The following EEA1 variants were observed in gnomAD, a reference collection of about 807,000 sequenced individuals.
EEA1 encodes early endosome antigen 1, also known as early endosome antigen 1, 162kD.
A neutral mutation model predicts 209.2 loss-of-function variants in EEA1; 111 were observed. The observed-to-expected ratio is 0.53, with a 90% CI of 0.45 to 0.62. EEA1 has a LOEUF of 0.62. EEA1 is among the 20% of genes least tolerant of loss of function. The pLI is 0.00. For synonymous variants in EEA1, 536 were observed against 540.6 expected (o/e 0.99, Z 0.12); for missense variants, 1,343 against 1,530.8 (o/e 0.88, Z 2.05).
intron 1 of EEA1, among the ~76,000 whole-genome samples, chr12:92,922,187 A>T (rs1350590383): frequency 6.6e-6 from 1 of 152,054 alleles, no homozygotes; most frequent in African/African-American, 2.4e-5. Context: ...CTGCCTACTG[A>T]ACATCTCCAC....
At chr12:92,798,335 C>CATT (rs921938286) in intron 21 of EEA1, among the ~76,000 whole-genome samples, 7 of 145,354 alleles carry the variant, frequency 4.8e-5, no homozygotes, top group Admixed American at 6.8e-5. Flanking sequence ...TTAAGTGTTA[C>CATT]ATTATTATTA....
intron 1 of EEA1, among the ~76,000 whole-genome samples, chr12:92,915,187 C>T (rs1010478994): frequency 2.6e-5 from 4 of 152,160 alleles, no homozygotes; most frequent in African/African-American, 9.7e-5. Flanking sequence ...TAAAAGCTGT[C>T]CAGGCACAGT....
intron 21 of EEA1, among the ~76,000 whole-genome samples, chr12:92,792,977 C>T (rs1342268806): frequency 6.6e-6 from 1 of 152,188 alleles, no homozygotes; most frequent in Admixed American, 6.5e-5. Context: ...GCTGGTTCAA[C>T]ATATGCAAAT....
chr12:92,776,072 G>A lies in EEA1; in HGVS notation c.4175C>T (p.Thr1392Ile). The change falls in exon 29 of 29, where the codon ACT (threonine) becomes ATT (isoleucine). Residue 1392 changes from threonine (T) to isoleucine (I), a missense_variant. Physicochemically the swap from Thr to Ile is moderately conservative, Grantham distance 89. Coordinates refer to ENST00000322349, the MANE Select transcript of EEA1 (RefSeq NM_003566.4). ...CAECSAKNAL[T>I]PSSKKPVRVC... ...ACGAACAGGCTTCTTGGAGGAAGGAGTTAAGGCATTTTTGGCTGAACATTC... is the reference window on the plus strand; with the variant it reads ...ACGAACAGGCTTCTTGGAGGAAGGAATTAAGGCATTTTTGGCTGAACATTC... 6.2e-7 allele frequency: 1 copy of A among 1,611,582 alleles called. No homozygotes were observed.
At chr12:92,906,799 G>A (rs574346123) in intron 1 of EEA1, among the ~76,000 whole-genome samples, 8 of 152,066 alleles carry the variant, frequency 5.3e-5, no homozygotes, top group Non-Finnish European at 8.8e-5. Context: ...GGGTGACAGA[G>A]CTAGACTCTG....
chr12:92,866,133 A>C (rs1878382811), intron 2 of EEA1, among the ~76,000 whole-genome samples: 1 of 139,602 alleles, frequency 7.2e-6, no homozygotes, highest in Non-Finnish European at 1.5e-5. Flanking sequence ...TGGAGGTTGC[A>C]GTGAGCCAAG....
Position 92,773,046 on chromosome 12 carries a change from A to G in EEA1, c.*2965T>C, listed in dbSNP as rs1873497917. 1 of 152,230 alleles carries G rather than the reference A, an allele frequency of 6.6e-6. No individual in the cohort carries two copies. Among genetic ancestry groups the G allele is most frequent in the Admixed American group, 6.6e-5 (1 of 15,224 alleles). 9.4% of individuals were successfully genotyped at this position (152,230 alleles called of 1,614,324 possible). On this transcript the variant is annotated 3_prime_UTR_variant, in exon 29 of 29. Coordinates refer to ENST00000322349, the MANE Select transcript of EEA1 (RefSeq NM_003566.4). ...CAATAATGTGTGGCACGTTATAATT[A>G]CAGAATACCATTCATCAAGCTCATG...
At chr12:92,849,532 A>T (rs893560145) in intron 9 of EEA1, among the ~76,000 whole-genome samples, 1 of 152,180 alleles carries the variant, frequency 6.6e-6, no homozygotes, top group African/African-American at 2.4e-5. Context: ...AACCACCTGA[A>T]ATTGTTTGAA....
chr12:92,858,345 C>G (rs566254143), intron 3 of EEA1: 2 of 829,708 alleles, frequency 2.4e-6, no homozygotes, highest in East Asian at 4.8e-5. Flanking sequence ...AGCTATTAAA[C>G]ACATTGGATA....
intron 11 of EEA1, among the ~76,000 whole-genome samples, chr12:92,831,439 G>C (rs1234060878): frequency 6.7e-6 from 1 of 148,772 alleles, no homozygotes; most frequent in East Asian, 2.0e-4. Flanking sequence ...CTTTTGTGTA[G>C]GTAAATAATG....
intron 9 of EEA1, among the ~76,000 whole-genome samples, chr12:92,850,712 A>G (rs1877585163): frequency 6.6e-6 from 1 of 150,790 alleles, no homozygotes; most frequent in African/African-American, 2.4e-5. Flanking sequence ...AAAAAAAAAA[A>G]AAAAGAAATA....
intron 26 of EEA1, 47 bp from the exon 27 acceptor site, chr12:92,777,710 A>G (rs377136307): frequency 2.5e-6 from 4 of 1,574,896 alleles, no homozygotes; most frequent in Non-Finnish European, 3.5e-6. Flanking sequence ...AAAATCATTT[A>G]AAGACCCTTC....
At chr12:92,776,406 A>G (rs1042119309) in intron 28 of EEA1, among the ~76,000 whole-genome samples, 2 of 151,952 alleles carry the variant, frequency 1.3e-5, no homozygotes, top group African/African-American at 4.8e-5. Flanking sequence ...AAGTTTTTAT[A>G]AAGTATCTCT....
In EEA1 at chr12:92,851,179, G is replaced by A. The variant is rs749198752; in HGVS notation, c.730C>T (p.Arg244Cys). The A allele has an allele frequency of 1.4e-5, 23 of 1,613,688 alleles. No individual in the cohort carries two copies. The highest frequency in any genetic ancestry group is 8.3e-5 in the Admixed American group (5 of 59,962). The change falls in exon 9 of 29, where the codon CGT becomes TGT. Residue 244 changes from arginine (R) to cysteine (C), a missense_variant. Physicochemically the swap from Arg to Cys is radical, Grantham distance 180 (BLOSUM62 -3). This residue lies in a region of EEA1 where 1,307 missense variants were observed against 1,465.5 expected (regional missense o/e 0.89). Transcript: ENST00000322349. ...QTLMDNMTLERERESEKLKDE... is the reference protein window; with the variant it reads ...QTLMDNMTLECERESEKLKDE... ...TTGAGTTTTTCAGATTCTCGCTCAC[G>A]TTCCAAGGTCATGTTATCCATTAGT...
intron 18 of EEA1, among the ~76,000 whole-genome samples, chr12:92,808,303 C>G (rs10732652): frequency 6.6e-6 from 1 of 152,144 alleles, no homozygotes; most frequent in African/African-American, 2.4e-5. Context: ...GCTAGATCCA[C>G]AGATACACAG....
At chr12:92,864,571 CTTA>C (rs1281759836) in intron 3 of EEA1, among the ~76,000 whole-genome samples, 2 of 152,124 alleles carry the variant, frequency 1.3e-5, no homozygotes, top group African/African-American at 4.8e-5. Context: ...ATCGTATCAT[CTTA>C]TATTACACAC....
At chr12:92,834,830 T>C (rs1377182498) in intron 10 of EEA1, among the ~76,000 whole-genome samples, 1 of 152,186 alleles carries the variant, frequency 6.6e-6, no homozygotes, top group Non-Finnish European at 1.5e-5. Flanking sequence ...AGGAAAACAT[T>C]TGTTTTAGAA....
chr12:92,828,706 TA>T (rs1876448469), intron 11 of EEA1, among the ~76,000 whole-genome samples: 1 of 151,472 alleles, frequency 6.6e-6, no homozygotes, highest in Non-Finnish European at 1.5e-5. Context: ...CCATCACGAG[TA>T]GTCCACCCTG....
At chr12:92,859,253 T>C (rs1303272443) in intron 3 of EEA1, 12 of 1,609,472 alleles carry the variant, frequency 7.5e-6, no homozygotes, top group African/African-American at 1.3e-5. Flanking sequence ...CCATGGGAAG[T>C]GCCCAAAAAG....
Sources: gnomAD v4.1 joint callset for allele counts (sites outside exome capture counted in the v4.1 genomes callset) on GRCh38, gnomAD v4.1.1 for gene constraint, gnomAD v4.1.1 regional missense constraint, MANE v1.5 for transcripts, NCBI Gene and HGNC (gene_info 2026-07-23, HGNC 2026-07-21) for gene names.